Variants in KCNH2 observed in about 807,000 individuals in gnomAD.
KCNH2 encodes the protein voltage-gated inwardly rectifying potassium channel KCNH2.
KCNH2 carries 35 observed loss-of-function variants against 95.9 expected under a neutral mutation model. The observed-to-expected ratio is 0.37, with a 90% CI of 0.28 to 0.48. The LOEUF (loss-of-function observed/expected upper bound fraction) is 0.48. Among genes scored for constraint, KCNH2 ranks in the 20% least tolerant of loss-of-function variants. The pLI is 0.99. For synonymous variants in KCNH2, 786 were observed against 754.7 expected (o/e 1.04, Z -0.68); for missense variants, 1,274 against 1,702.9 (o/e 0.75, Z 4.43).
Position 150,955,431 on chromosome 7 carries a change from G to A in KCNH2, c.1128+1860C>T, listed in dbSNP as rs767264288. Reference sequence around the variant, plus strand: ...ACGAGGCTGGAGATGCGCACGGCCCGCCTCACCCGGCCTTTCTGGGCCCTG... The same window carrying A: ...ACGAGGCTGGAGATGCGCACGGCCCACCTCACCCGGCCTTTCTGGGCCCTG... On this transcript the variant is annotated intron_variant, in intron 5 of 14. Transcript: ENST00000262186. 39 of 1,565,388 alleles carry A rather than the reference G, an allele frequency of 2.5e-5. No homozygotes were observed. The highest frequency in any genetic ancestry group is 3.7e-4 in the Middle Eastern group (2 of 5,464).
intron 5 of KCNH2, chr7:150,955,911 C>G (rs1377425592): frequency 3.3e-6 from 3 of 911,240 alleles, no homozygotes; most frequent in Non-Finnish European, 3.9e-6. Flanking sequence ...GGCCCCCTCC[C>G]CCGCAGCCCG....
At position 150,945,062 on chromosome 7, in the gene KCNH2, C is replaced by T; in HGVS notation, c.*303G>A. The T allele has an allele frequency of 2.4e-6, 1 of 412,324 alleles. No individual in the cohort carries two copies. 25.5% of individuals were successfully genotyped at this position (412,324 alleles called of 1,614,324 possible). A position where few individuals can be genotyped will look rare whatever the true frequency, so the allele number is the denominator to read the frequency against. On this transcript the variant is annotated 3_prime_UTR_variant, in exon 15 of 15. Coordinates refer to ENST00000262186, the MANE Select transcript of KCNH2 (RefSeq NM_000238.4). The surrounding 1 kb of genome is among the most constrained non-coding windows in gnomAD (Gnocchi z 5.6). ...CCTTAACAATAAGAGCAGTAAATAG[C>T]AGAAAAGTCCTTGAGGTGCCTAAGG...
rs1206851323 is a variant in KCNH2 at position 150,952,135 on chromosome 7, G to A, written c.1557+290C>T. Reference sequence around the variant, plus strand: ...CCAGCTTCTAGGGCACTTTGGTGACGCTACAAAATAATGGCCCCTTGGGAT... The same window carrying A: ...CCAGCTTCTAGGGCACTTTGGTGACACTACAAAATAATGGCCCCTTGGGAT... On this transcript the variant is annotated intron_variant, in intron 6 of 14. Coordinates refer to ENST00000262186, the MANE Select transcript of KCNH2 (RefSeq NM_000238.4). This position sits in a 1 kb window ranked among gnomAD's most constrained non-coding sequence, Gnocchi z 7.3. 2.6e-5 allele frequency among the ~76,000 whole-genome samples: 4 copies of A among 151,822 alleles called. No homozygotes were observed. The highest frequency in any genetic ancestry group is 4.2e-4 in the South Asian group (2 of 4,814).
At chr7:150,950,454 T>A in intron 8 of KCNH2, 34 bp from the exon 9 acceptor site, 2 of 1,605,524 alleles carry the variant, frequency 1.2e-6, no homozygotes, top group Non-Finnish European at 1.7e-6. Flanking sequence ...CAGCACACCC[T>A]CCCTTGGGAC....
rs774170513 is a variant in KCNH2 at position 150,948,430 on chromosome 7, C to A, written c.2692+14G>T. On this transcript the variant is annotated intron_variant, in intron 11 of 14. Transcript: ENST00000262186. ...TGTCCCCGCCCTCCCCCTTCCTCCC[C>A]TCCCCCGCCTCACCCTTGTCCGTGC... The A allele has an allele frequency of 1.3e-6, 2 of 1,542,044 alleles. No individual in the cohort carries two copies. The highest frequency in any genetic ancestry group is 1.8e-6 in the Non-Finnish European group (2 of 1,124,994).
At position 150,952,283 on chromosome 7, in the gene KCNH2, T is replaced by C. The variant is rs1005741278; in HGVS notation, c.1557+142A>G. 29 of 969,970 alleles carry C rather than the reference T, an allele frequency of 3.0e-5. No individual in the cohort carries two copies. The highest frequency in any genetic ancestry group is 3.0e-4 in the Middle Eastern group (1 of 3,288). The allele number at this position is 969,970 out of a possible 1,614,324, so 60.1% of individuals were successfully genotyped here. ...TGCCTCTGCAGCTGCCTTGCCACCA[T>C]GTCTCTCTCCCACTGTCTTTCTCTC... is the stretch of plus-strand genomic sequence containing the variant. On this transcript the variant is annotated intron_variant, in intron 6 of 14. Transcript: ENST00000262186. The surrounding 1 kb of genome is among the most constrained non-coding windows in gnomAD (Gnocchi z 7.3).
chr7:150,948,741 T>C (rs1801019855), intron 10 of KCNH2, 115 bp downstream of exon 10: 4 of 1,156,970 alleles, frequency 3.5e-6, no homozygotes, highest in Admixed American at 3.9e-5. Flanking sequence ...ATGATACCAT[T>C]TGACAGACAG....
intron 2 of KCNH2, among the ~76,000 whole-genome samples, chr7:150,960,268 T>G (rs1396290972): frequency 2.0e-5 from 3 of 152,244 alleles, no homozygotes; most frequent in South Asian, 2.1e-4. Flanking sequence ...ATGGGAAGAA[T>G]AATAATTTTT....
intron 5 of KCNH2, chr7:150,955,824 C>T: frequency 9.0e-7 from 1 of 1,108,050 alleles, no homozygotes; most frequent in Non-Finnish European, 1.1e-6. Flanking sequence ...GCTCCTCCAG[C>T]CGGCCCCTCC....
chr7:150,948,411 C>CG, intron 11 of KCNH2, 33 bp downstream of exon 11: 9 of 1,137,216 alleles, frequency 7.9e-6, no homozygotes, highest in Admixed American at 3.9e-5. Flanking sequence ...ACCTTGTCCC[C>CG]GCCCTCCCCC....
chr7:150,974,729 C>T lies in KCNH2; in HGVS notation c.289G>A (p.Ala97Thr). 2 of 1,600,326 alleles carry T rather than the reference C, an allele frequency of 1.2e-6. No homozygotes were observed. The highest frequency in any genetic ancestry group is 1.7e-6 in the Non-Finnish European group (2 of 1,174,266). ...LGAEERKVEI[A>T]FYRKDGSCFL... is the part of the protein sequence containing the mutation. ...CTCCTACCATCTTTCCGGTAGAAGG[C>T]GATTTCCACTTTGCGCTCCTCGGCG... The change falls in exon 2 of 15, where the codon GCC becomes ACC. Residue 97 changes from alanine (A) to threonine (T), a missense_variant. Around this residue, in one of 7 missense-constraint regions of KCNH2, gnomAD observed 85 missense variants for 174.7 expected, o/e 0.49. Coordinates refer to ENST00000262186, the MANE Select transcript of KCNH2 (RefSeq NM_000238.4).
In KCNH2 at chr7:150,961,848, T is replaced by C. The variant is rs1365545937; in HGVS notation, c.308-2112A>G. ...TGGGAAGGGCCTGATGCATGGCAGA[T>C]GCTGGCCAGGCTCGGGGATTCTAAC... On this transcript the variant is annotated intron_variant, in intron 2 of 14. Coordinates refer to ENST00000262186, the MANE Select transcript of KCNH2 (RefSeq NM_000238.4). This position sits in a 1 kb window ranked among gnomAD's most constrained non-coding sequence, Gnocchi z 6.2. Among the ~76,000 whole-genome samples the C allele has an allele frequency of 6.6e-6, 1 of 152,174 alleles. No individual in the cohort carries two copies. The highest frequency in any genetic ancestry group is 2.4e-5 in the African/African-American group (1 of 41,442).
At chr7:150,968,409 A>G (rs2117042926) in intron 2 of KCNH2, among the ~76,000 whole-genome samples, 1 of 152,350 alleles carries the variant, frequency 6.6e-6, no homozygotes, top group Non-Finnish European at 1.5e-5. Flanking sequence ...GCCACTGAAT[A>G]CGCACCTACA....
rs1801945600 is a variant in KCNH2 at position 150,975,015 on chromosome 7, C to A, written c.77-74G>T. The A allele has an allele frequency of 2.2e-6, 3 of 1,344,574 alleles. No homozygotes were observed. In the South Asian group the frequency reaches 4.1e-5, roughly 18 times the overall value. 83.3% of individuals were successfully genotyped at this position (1,344,574 alleles called of 1,614,324 possible). ...GGGACTCCCAGCCCTTCCCCACATTCTCCACTCACACAGCCGCCCGGGGAC... is the reference window on the plus strand; with the variant it reads ...GGGACTCCCAGCCCTTCCCCACATTATCCACTCACACAGCCGCCCGGGGAC... On this transcript the variant is annotated intron_variant, in intron 1 of 14. Transcript: ENST00000262186.
At chr7:150,958,537 C>T (rs1186929078) in intron 3 of KCNH2, 35 bp from the exon 4 acceptor site, 23 of 1,459,980 alleles carry the variant, frequency 1.6e-5, no homozygotes, top group Non-Finnish European at 1.9e-5. Context: ...TCGTGGGGAT[C>T]GCGAGCAGCC....
At chr7:150,949,820 C>T (rs1195809120) in intron 9 of KCNH2, 13 of 1,246,364 alleles carry the variant, frequency 1.0e-5, no homozygotes, top group Non-Finnish European at 1.3e-5. Flanking sequence ...ACCACATGGC[C>T]CTTAGTGAAA....
chr7:150,970,557 C>A (rs1801815563), intron 2 of KCNH2, among the ~76,000 whole-genome samples: 1 of 152,206 alleles, frequency 6.6e-6, no homozygotes, highest in African/African-American at 2.4e-5. Context: ...CAGACAGCCG[C>A]AGCTCAGGAA....
chr7:150,970,261 C>T (rs41308984), intron 2 of KCNH2, among the ~76,000 whole-genome samples: 3,013 of 139,300 alleles, frequency 0.022, 98 homozygotes, highest in African/African-American at 0.077. Flanking sequence ...CCCAGTCTCC[C>T]CCCTCACACA....
chr7:150,963,934 C>A (rs552052763), intron 2 of KCNH2, among the ~76,000 whole-genome samples: 3 of 152,334 alleles, frequency 2.0e-5, no homozygotes, highest in South Asian at 4.1e-4. Context: ...CTTCTCAGAA[C>A]ACAACGCCGG....
Sources: allele counts gnomAD v4.1 joint callset (sites outside exome capture counted in the v4.1 genomes callset), GRCh38; gene constraint gnomAD v4.1.1; regional missense constraint gnomAD v4.1.1; non-coding constraint Gnocchi (gnomAD v3.1); transcripts MANE v1.5; gene names NCBI Gene and HGNC (gene_info 2026-07-23, HGNC 2026-07-21).